Variants in MUTYH observed in about 807,000 individuals in gnomAD.
The protein encoded by MUTYH is mutY DNA glycosylase, also known as adenine DNA glycosylase.
In MUTYH, 64 loss-of-function variants were observed where a neutral mutation model predicts 72.9. That is an observed-to-expected ratio of 0.88 (90% CI 0.72 to 1.08). MUTYH has a LOEUF of 1.08. Among genes scored for constraint, MUTYH ranks in the 50% least tolerant of loss-of-function variants. MUTYH has a pLI of 0.00. For missense variants in MUTYH, 633 were observed against 671.0 expected, an observed-to-expected ratio of 0.94 and a Z score of 0.63; for synonymous variants, 234 against 263.1, an observed-to-expected ratio of 0.89 and a Z score of 1.07.
rs373226007 is a variant in MUTYH, at chr1:45,330,585, C to T, written c.1393-28G>A. The T allele has an allele frequency of 4.1e-4, 653 of 1,601,110 alleles. 6 individuals carry two copies. In the Middle Eastern group the frequency reaches 7.8e-3, roughly 19 times the overall value. On this transcript the variant is annotated intron_variant, in intron 14 of 15. Transcript: ENST00000456914. ...AGACAAGAAGACAGGGAGGTGAGGG[C>T]TGGCACTTTTTGCAAAAGAGATAAA...
chr1:45,334,531 C>A lies in MUTYH; in HGVS notation c.-6-20G>T. 1 of 1,613,894 alleles carries A rather than the reference C, an allele frequency of 6.2e-7. No individual in the cohort carries two copies. On this transcript the variant is annotated intron_variant, in intron 1 of 15. Transcript: ENST00000456914. ...GATGGCCTGAAACAAAAAGACCCAG[C>A]CAAAGCAGTCAGTCACAATGAGGCC... is the stretch of plus-strand genomic sequence containing the variant.
Position 45,332,253 on chromosome 1 carries a change from G to A in MUTYH, c.762C>T (p.Ala254=), listed in dbSNP as rs1060504203. The A allele has an allele frequency of 6.2e-7, 1 of 1,613,878 alleles. No individual in the cohort carries two copies. Among genetic ancestry groups the A allele is most frequent in the African/African-American group, 1.3e-5 (1 of 74,876 alleles). Residue 254 remains alanine, a synonymous_variant, in exon 10 of 16, where the codon GCC becomes GCT. Transcript: ENST00000456914. ...TACACACTGTGGCCCCTAGCTCCAT[G>A]GCTGCTTGGTTGAAATCTCCTGGCC... ...PARPGDFNQA[A]MELGATVCTP...
At chr1:45,335,884 G>A (rs991163657) in intron 1 of MUTYH, among the ~76,000 whole-genome samples, 3 of 152,010 alleles carry the variant, frequency 2.0e-5, no homozygotes, top group African/African-American at 4.8e-5. Context: ...TCAAGAAGCC[G>A]CAAGGTCTCT....
At chr1:45,339,386 G>C (rs777630775) in intron 1 of MUTYH, among the ~76,000 whole-genome samples, 17 of 151,422 alleles carry the variant, frequency 1.1e-4, no homozygotes, top group Non-Finnish European at 1.2e-4. Context: ...AATTTTTTTT[G>C]TACTTTTAGT....
chr1:45,339,992 C>T, upstream of MUTYH: 2 of 1,535,702 alleles, frequency 1.3e-6, no homozygotes, highest in African/African-American at 1.4e-5. Context: ...CGAGCTCTAG[C>T]GCGCCCGGCT....
In MUTYH at chr1:45,333,594, C is replaced by T. The variant is rs587781374; in HGVS notation, c.116-33G>A. On this transcript the variant is annotated intron_variant, in intron 2 of 15. Transcript: ENST00000456914. ...GGCCCCAGGACACTCAGCAATCATC[C>T]CTGCACAGGCTGTGCATCAGGGTCT... 6.0e-5 allele frequency: 96 copies of T among 1,607,638 alleles called. No homozygotes were observed. The highest frequency in any genetic ancestry group is 7.9e-5 in the Non-Finnish European group (93 of 1,175,900).
In MUTYH at chr1:45,334,415, GACTGTT is replaced by G. The variant is rs1645562764; in HGVS notation, c.85_90del (p.Asn29_Ser30del). ...CCATCACAGGCAGAAGGCTTGGCCT[GACTGTT>G]GTTCTTAGCATGCTTCTGCCTCCCT... On this transcript the variant is annotated inframe_deletion, in exon 2 of 16. Coordinates refer to ENST00000456914, the MANE Select transcript of MUTYH (RefSeq NM_001048174.2). The G allele has an allele frequency of 6.2e-7, 1 of 1,614,022 alleles. No homozygotes were observed. The highest frequency in any genetic ancestry group is 1.3e-5 in the African/African-American group (1 of 74,920).
chr1:45,329,750 C>T, intron 15 of MUTYH: 1 of 367,382 alleles, frequency 2.7e-6, no homozygotes. Context: ...AAACCAACTG[C>T]TCACAGCTCC....
rs1049209454 is a variant in MUTYH, at chr1:45,331,114, C to T, written c.1392+68G>A. ...AAAAATGCTTTTTTTCCTGTTTACA[C>T]AGTAATATATTCATGTAGAACATGT... On this transcript the variant is annotated intron_variant, in intron 14 of 15. Transcript: ENST00000456914. 7 of 1,603,060 alleles carry T rather than the reference C, an allele frequency of 4.4e-6. No homozygotes were observed. In the African/African-American group the frequency reaches 8.0e-5, roughly 18 times the overall value.
At chr1:45,334,745 C>T (rs965257191) in intron 1 of MUTYH, among the ~76,000 whole-genome samples, 1 of 152,192 alleles carries the variant, frequency 6.6e-6, no homozygotes, top group Non-Finnish European at 1.5e-5. Flanking sequence ...TGGAGACATG[C>T]AAAGACTGTG....
At chr1:45,340,066 A>G, upstream of MUTYH, 1 of 1,544,110 alleles carries the variant, frequency 6.5e-7, no homozygotes, top group Non-Finnish European at 8.7e-7. Context: ...AGCACAGGCC[A>G]ATAGGCAATT....
intron 14 of MUTYH, 51 bp downstream of exon 14, chr1:45,331,131 A>G (rs940538263): frequency 3.1e-6 from 5 of 1,609,352 alleles, no homozygotes; most frequent in Middle Eastern, 1.6e-4. Context: ...ATATTCATGT[A>G]GAACATGTAG....
chr1:45,338,438 T>C, intron 1 of MUTYH: 2 of 396,740 alleles, frequency 5.0e-6, no homozygotes. Context: ...TTTTCAAGTC[T>C]TGACTGAAAT....
At position 45,339,938 on chromosome 1, in the gene MUTYH, C is replaced by A; in HGVS notation, c.-46G>T. 6.8e-7 allele frequency: 1 copy of A among 1,472,512 alleles called. No homozygotes were observed. Among genetic ancestry groups the A allele is most frequent in the Non-Finnish European group, 9.1e-7 (1 of 1,096,936 alleles). The allele number at this position is 1,472,512 out of a possible 1,614,324, so 91.2% of individuals were successfully genotyped here. A position where few individuals can be genotyped will look rare whatever the true frequency, so the allele number is the denominator to read the frequency against. Reference sequence around the variant, plus strand: ...GATGAAGACAGCAGAACACGGAGGCCCCGCGTTCCCGCCGCGAGAGCAGGA... The same window carrying A: ...GATGAAGACAGCAGAACACGGAGGCACCGCGTTCCCGCCGCGAGAGCAGGA... On this transcript the variant is annotated 5_prime_UTR_variant, in exon 1 of 16. Transcript: ENST00000456914.
rs185414406 is a variant in MUTYH at position 45,335,777 on chromosome 1, C to T, written c.-6-1266G>A. 4.6e-5 allele frequency among the ~76,000 whole-genome samples: 7 copies of T among 152,048 alleles called. No individual in the cohort carries two copies. The East Asian group carries it at 1.4e-3, about 29-fold the overall frequency. On this transcript the variant is annotated intron_variant, in intron 1 of 15. Coordinates refer to ENST00000456914, the MANE Select transcript of MUTYH (RefSeq NM_001048174.2). ...AGTGAGCTGAGATCATGCCACTGCA[C>T]AGCCTGGGCAACAAAGACAGAGCAA...
chr1:45,338,965 CT>C (rs1646444172), intron 1 of MUTYH, among the ~76,000 whole-genome samples: 1 of 151,998 alleles, frequency 6.6e-6, no homozygotes, highest in South Asian at 2.1e-4. Flanking sequence ...CAAGGTTTCA[CT>C]ATGTTGCCCA....
intron 10 of MUTYH, 27 bp from the exon 11 acceptor site, chr1:45,332,113 A>G (rs777894822): frequency 8.7e-6 from 14 of 1,614,090 alleles, no homozygotes; most frequent in Non-Finnish European, 1.1e-5. Flanking sequence ...TGAGTGTCAT[A>G]GGGCAGAGTC....
rs863224698 is a variant in MUTYH at position 45,333,177 on chromosome 1, G to A, written c.305-7C>T. On this transcript the variant is annotated splice_region_variant and splice_polypyrimidine_tract_variant and intron_variant, in intron 4 of 15. Transcript: ENST00000456914. ...ATGACCTCTGAGACCCACACTGGGG[G>A]AAAGGGGTTGGCATGAGGACACTGC... 2.5e-6 allele frequency: 4 copies of A among 1,614,196 alleles called. No individual in the cohort carries two copies. Among genetic ancestry groups the A allele is most frequent in the East Asian group, 2.2e-5 (1 of 44,884 alleles).
intron 5 of MUTYH, 63 bp downstream of exon 5, chr1:45,333,034 C>T: frequency 1.2e-6 from 2 of 1,613,128 alleles, no homozygotes. Flanking sequence ...TACACCCACC[C>T]CAAAGTAGAG....
Sources: gnomAD v4.1 joint callset for allele counts (sites outside exome capture counted in the v4.1 genomes callset) on GRCh38, gnomAD v4.1.1 for gene constraint, MANE v1.5 for transcripts, NCBI Gene and HGNC (gene_info 2026-07-23, HGNC 2026-07-21) for gene names.